The following CPE variants were observed in gnomAD, a reference collection of about 807,000 sequenced individuals.
CPE encodes the protein carbocypeptidase E.
A neutral mutation model predicts 53.5 loss-of-function variants in CPE; 17 were observed. The ratio of observed to expected loss-of-function variants is 0.32; its 90% CI spans 0.22 to 0.48. CPE has a LOEUF of 0.48. Ranked by LOEUF, CPE falls within the 20% of genes least tolerant of loss-of-function variation. CPE has a pLI of 0.99. For missense variants in CPE, 524 were observed against 614.7 expected (o/e 0.85, Z 1.56); for synonymous variants, 226 against 228.8 (o/e 0.99, Z 0.11).
intron 1 of CPE, among the ~76,000 whole-genome samples, chr4:165,383,123 T>C (rs1730530775): frequency 6.6e-6 from 1 of 152,176 alleles, no homozygotes; most frequent in Non-Finnish European, 1.5e-5. Flanking sequence ...ATGGGTTTCC[T>C]CTACACTGGG....
At position 165,379,422 on chromosome 4, in the gene CPE, G is replaced by A. The variant is rs1172049594; in HGVS notation, c.201G>A (p.Trp67Ter). 1 of 1,610,436 alleles carries A rather than the reference G, an allele frequency of 6.2e-7. No homozygotes were observed. Among genetic ancestry groups the A allele is most frequent in the Non-Finnish European group, 8.5e-7 (1 of 1,179,042 alleles). The change falls in exon 1 of 9, where the codon TGG becomes TGA. Residue 67 changes from tryptophan (W) to a stop codon, truncating the protein, a stop_gained. Transcript: ENST00000402744. LOFTEE classifies it high-confidence loss of function. The surrounding 1 kb of genome is among the most constrained non-coding windows in gnomAD (Gnocchi z 6.0). ...PELREALVSV[W>*]LQCTAISRIY... ...TGCGCGAGGCGCTCGTGTCCGTGTG[G>A]CTGCAGTGCACCGCCATCAGCAGGA...
chr4:165,413,548 A>T (rs1297232039), intron 1 of CPE, among the ~76,000 whole-genome samples: 2 of 138,526 alleles, frequency 1.4e-5, no homozygotes, highest in Admixed American at 1.4e-4. Flanking sequence ...TTCTGGCTTT[A>T]TCAGTACTAC....
chr4:165,402,002 A>G (rs1730875995), intron 1 of CPE, among the ~76,000 whole-genome samples: 1 of 152,238 alleles, frequency 6.6e-6, no homozygotes, highest in Non-Finnish European at 1.5e-5. Flanking sequence ...AGAGGAAAGG[A>G]TAATTAGGGA....
intron 1 of CPE, among the ~76,000 whole-genome samples, chr4:165,440,785 T>G (rs1731595602): frequency 6.6e-6 from 1 of 152,094 alleles, no homozygotes; most frequent in Non-Finnish European, 1.5e-5. Flanking sequence ...TCTGAGTCCT[T>G]GATAGACACT....
chr4:165,419,220 C>T (rs1306359583), intron 1 of CPE, among the ~76,000 whole-genome samples: 1 of 152,138 alleles, frequency 6.6e-6, no homozygotes, highest in Non-Finnish European at 1.5e-5. Context: ...GGATTCTTCT[C>T]TATTTTTATT....
chr4:165,410,166 T>C (rs1033902224), intron 1 of CPE, among the ~76,000 whole-genome samples: 4 of 151,178 alleles, frequency 2.6e-5, no homozygotes, highest in Admixed American at 6.6e-5. Flanking sequence ...GGAGAATCGA[T>C]TGAACCTGGG....
intron 3 of CPE, among the ~76,000 whole-genome samples, chr4:165,473,942 C>T (rs563208215): frequency 6.6e-6 from 1 of 152,364 alleles, no homozygotes; most frequent in South Asian, 2.1e-4. Flanking sequence ...GACTCTGTCC[C>T]AGAGCCCTTT....
intron 7 of CPE, among the ~76,000 whole-genome samples, chr4:165,493,525 T>G (rs952791717): frequency 2.6e-4 from 39 of 152,096 alleles, no homozygotes; most frequent in African/African-American, 8.5e-4. Context: ...GCCCCAGAGC[T>G]GGGAGGTGGT....
Position 165,474,504 on chromosome 4 carries a change from G to C in CPE, c.672+6649G>C, listed in dbSNP as rs560391972. On this transcript the variant is annotated intron_variant, in intron 3 of 8. Transcript: ENST00000402744. ...CAAAGGCATCCCCTCTTACTTTCCT[G>C]TTATCCTAGATAAGCATCTCCCATT... 2.6e-5 allele frequency among the ~76,000 whole-genome samples: 4 copies of C among 152,258 alleles called. 1 individual carries two copies. The South Asian group carries it at 8.3e-4, about 32-fold the overall frequency.
chr4:165,420,521 T>G lies in CPE; in HGVS notation c.307+40993T>G, dbSNP rs1021227738. Among the ~76,000 whole-genome samples the G allele has an allele frequency of 4.6e-5, 7 of 152,224 alleles. No homozygotes were observed. In the East Asian group the frequency reaches 1.3e-3, roughly 29 times the overall value. On this transcript the variant is annotated intron_variant, in intron 1 of 8. Coordinates refer to ENST00000402744, the MANE Select transcript of CPE (RefSeq NM_001873.4). Reference sequence around the variant, plus strand: ...CTGTCCAGTTTGTTTATTTATTTCTTTATTTTATCATCTCCATTTTACAGG... The same window carrying G: ...CTGTCCAGTTTGTTTATTTATTTCTGTATTTTATCATCTCCATTTTACAGG...
chr4:165,496,463 A>G (rs967487096), intron 8 of CPE, among the ~76,000 whole-genome samples: 2 of 152,332 alleles, frequency 1.3e-5, no homozygotes, highest in South Asian at 4.1e-4. Flanking sequence ...CCTGGAAAAA[A>G]TGGCCCTGGG....
intron 3 of CPE, 56 bp downstream of exon 3, chr4:165,467,911 C>T: frequency 6.4e-7 from 1 of 1,557,030 alleles, no homozygotes; most frequent in East Asian, 2.3e-5. Flanking sequence ...GAAATATGTT[C>T]CAATATCTTC....
At position 165,415,655 on chromosome 4, in the gene CPE, A is replaced by C. The variant is rs1731107869; in HGVS notation, c.307+36127A>C. On this transcript the variant is annotated intron_variant, in intron 1 of 8. Transcript: ENST00000402744. ...ATGATGTAGAAATATAGAGATCAAA[A>C]TTAATACAAATACATTTATATAGTG... Among the ~76,000 whole-genome samples, 3 of 152,144 alleles carry C rather than the reference A, an allele frequency of 2.0e-5. 1 individual carries two copies. The South Asian group carries it at 6.2e-4, about 31-fold the overall frequency.
chr4:165,405,133 G>T, intron 1 of CPE: 1 of 756,534 alleles, frequency 1.3e-6, no homozygotes, highest in Non-Finnish European at 2.4e-6. Context: ...TCTTTACTTT[G>T]TCATTCAATC....
At chr4:165,402,417 A>G (rs1323452819) in intron 1 of CPE, among the ~76,000 whole-genome samples, 1 of 152,212 alleles carries the variant, frequency 6.6e-6, no homozygotes, top group Non-Finnish European at 1.5e-5. Flanking sequence ...TACAGTTTGG[A>G]TATCTGTCCC....
intron 1 of CPE, among the ~76,000 whole-genome samples, chr4:165,443,980 A>C (rs923659832): frequency 1.3e-5 from 2 of 152,176 alleles, no homozygotes; most frequent in Non-Finnish European, 2.9e-5. Context: ...GGGGGCCTTT[A>C]GCAAACGCCG....
At chr4:165,424,825 C>T (rs1263143850) in intron 1 of CPE, among the ~76,000 whole-genome samples, 2 of 151,958 alleles carry the variant, frequency 1.3e-5, no homozygotes, top group Non-Finnish European at 2.9e-5. Flanking sequence ...TGAGCCACCG[C>T]GCCCGGCCCA....
intron 2 of CPE, among the ~76,000 whole-genome samples, chr4:165,467,101 T>C (rs1485507552): frequency 6.6e-6 from 1 of 152,164 alleles, no homozygotes; most frequent in Non-Finnish European, 1.5e-5. Flanking sequence ...GAGGAGAAGA[T>C]TGCTTAAGGC....
chr4:165,456,781 G>A (rs541174083), intron 1 of CPE, among the ~76,000 whole-genome samples: 5 of 132,712 alleles, frequency 3.8e-5, no homozygotes, highest in East Asian at 2.2e-4. Flanking sequence ...TCACTCTGTC[G>A]CCCAGGCTGG....
Sources: allele counts gnomAD v4.1 joint callset (sites outside exome capture counted in the v4.1 genomes callset), GRCh38; gene constraint gnomAD v4.1.1; non-coding constraint Gnocchi (gnomAD v3.1); transcripts MANE v1.5; gene names NCBI Gene and HGNC (gene_info 2026-07-23, HGNC 2026-07-21).